The following DPP10 variants were observed in gnomAD, a reference collection of about 807,000 sequenced individuals.
DPP10 encodes dipeptidyl peptidase like 10.
Under a neutral mutation model 120.9 loss-of-function variants are expected in DPP10, and 33 were observed. The observed-to-expected ratio is 0.27, with a 90% CI of 0.21 to 0.37. The LOEUF (loss-of-function observed/expected upper bound fraction) is 0.37, where lower values mean the gene tolerates loss of function less well. DPP10 is among the 10% of genes least tolerant of loss of function. The pLI, the probability that DPP10 is intolerant of heterozygous loss-of-function variation, is 1.00. For missense variants in DPP10, 816 were observed against 942.8 expected, an observed-to-expected ratio of 0.87 and a Z score of 1.76; for synonymous variants, 337 against 326.1, an observed-to-expected ratio of 1.03 and a Z score of -0.36.
At chr2:115,626,172 A>G (rs1388893590) in intron 5 of DPP10, among the ~76,000 whole-genome samples, 1 of 151,976 alleles carries the variant, frequency 6.6e-6, no homozygotes, top group Non-Finnish European at 1.5e-5. Context: ...TGCTTTATAT[A>G]GTAAACTCTT....
At chr2:114,787,303 A>G (rs1315059311) in intron 1 of DPP10, among the ~76,000 whole-genome samples, 1 of 152,124 alleles carries the variant, frequency 6.6e-6, no homozygotes, top group Non-Finnish European at 1.5e-5. Context: ...TGTTTTAGAA[A>G]CGGAGAGAAA....
At chr2:114,920,028 C>G (rs534550687) in intron 1 of DPP10, among the ~76,000 whole-genome samples, 61 of 152,250 alleles carry the variant, frequency 4.0e-4, no homozygotes, top group Admixed American at 3.6e-3. Flanking sequence ...ATAAGTCACA[C>G]AGCATTAATT....
At chr2:115,602,618 A>G (rs2083403983) in intron 5 of DPP10, among the ~76,000 whole-genome samples, 1 of 152,150 alleles carries the variant, frequency 6.6e-6, no homozygotes, top group Admixed American at 6.5e-5. Flanking sequence ...AAGATTTCAT[A>G]AAAGAAAAAG....
At chr2:115,833,744 T>C (rs749656927) in intron 21 of DPP10, among the ~76,000 whole-genome samples, 25 of 152,200 alleles carry the variant, frequency 1.6e-4, no homozygotes, top group Non-Finnish European at 2.4e-4. Context: ...TATTAAAGCA[T>C]ATATGAATTT....
chr2:115,428,584 A>G (rs2104751211), intron 3 of DPP10, among the ~76,000 whole-genome samples: 1 of 152,148 alleles, frequency 6.6e-6, no homozygotes, highest in Admixed American at 6.6e-5. Context: ...ACTTTTAAAC[A>G]ACCAGATCTT....
intron 4 of DPP10, among the ~76,000 whole-genome samples, chr2:115,501,841 G>A (rs901942722): frequency 2.6e-5 from 4 of 151,830 alleles, no homozygotes; most frequent in Admixed American, 6.6e-5. Flanking sequence ...GGCTAAAACC[G>A]GGATTTAATT....
chr2:114,947,130 G>T (rs1434512452), intron 1 of DPP10, among the ~76,000 whole-genome samples: 2 of 130,032 alleles, frequency 1.5e-5, no homozygotes, highest in African/African-American at 5.3e-5. Context: ...ATATTCAAGT[G>T]AATTTTTTTT....
chr2:114,447,799 G>A (rs1048294931), intron 1 of DPP10, among the ~76,000 whole-genome samples: 2 of 152,182 alleles, frequency 1.3e-5, no homozygotes, highest in African/African-American at 4.8e-5. Flanking sequence ...ATTCTAAGCG[G>A]TGATAGCTAA....
intron 1 of DPP10, among the ~76,000 whole-genome samples, chr2:114,632,503 GTTTTTTTTTTTT>G (rs756591992): frequency 1.8e-3 from 162 of 88,632 alleles, no homozygotes; most frequent in African/African-American, 7.1e-3. Flanking sequence ...TGGACTTAGG[GTTTTTTTTTTTT>G]TTTTTTTTTT....
chr2:115,173,956 G>A (rs2053535213), intron 1 of DPP10, among the ~76,000 whole-genome samples: 1 of 152,208 alleles, frequency 6.6e-6, no homozygotes, highest in Non-Finnish European at 1.5e-5. Flanking sequence ...GGTAGAAGGA[G>A]CCTCACTCAA....
At chr2:115,413,301 G>A (rs901436548) in intron 3 of DPP10, among the ~76,000 whole-genome samples, 3 of 152,150 alleles carry the variant, frequency 2.0e-5, no homozygotes, top group African/African-American at 4.8e-5. Flanking sequence ...GTGTTGAAAC[G>A]TAAAGCATGT....
intron 1 of DPP10, among the ~76,000 whole-genome samples, chr2:115,242,886 C>A (rs2058354608): frequency 6.6e-6 from 1 of 152,006 alleles, no homozygotes; most frequent in Admixed American, 6.6e-5. Context: ...TATATAGTCT[C>A]ATATTTTAAC....
chr2:115,485,232 C>T (rs2075697564), intron 3 of DPP10, among the ~76,000 whole-genome samples: 1 of 95,896 alleles, frequency 1.0e-5, no homozygotes, highest in South Asian at 4.4e-4. Flanking sequence ...AACTTTAACA[C>T]TGTTCCAAAA....
chr2:115,265,874 G>A (rs1423260560), intron 1 of DPP10, among the ~76,000 whole-genome samples: 1 of 151,584 alleles, frequency 6.6e-6, no homozygotes, highest in Non-Finnish European at 1.5e-5. Flanking sequence ...AACCCGGGAG[G>A]TTGAGACTGC....
chr2:115,339,579 G>A (rs2063338435), intron 2 of DPP10, among the ~76,000 whole-genome samples: 1 of 152,080 alleles, frequency 6.6e-6, no homozygotes, highest in Non-Finnish European at 1.5e-5. Flanking sequence ...TTCAATGAGT[G>A]AAGAGTTAAA....
At chr2:114,469,470 C>T (rs941973335) in intron 1 of DPP10, among the ~76,000 whole-genome samples, 1 of 152,074 alleles carries the variant, frequency 6.6e-6, no homozygotes, top group Non-Finnish European at 1.5e-5. Context: ...GTGGCTCATG[C>T]CTGTAATCCC....
chr2:115,265,893 C>T (rs1180572452), intron 1 of DPP10, among the ~76,000 whole-genome samples: 1 of 146,700 alleles, frequency 6.8e-6, no homozygotes, highest in Non-Finnish European at 1.5e-5. Context: ...GCAGTGAGCT[C>T]AGATCATGCC....
intron 16 of DPP10, among the ~76,000 whole-genome samples, chr2:115,781,760 G>GA (rs748083654): frequency 8.3e-4 from 125 of 150,676 alleles, no homozygotes; most frequent in Middle Eastern, 3.4e-3. Flanking sequence ...ATGACACCAG[G>GA]AAAAAAAAAT....
intron 4 of DPP10, among the ~76,000 whole-genome samples, chr2:115,525,184 C>T (rs923244842): frequency 6.6e-6 from 1 of 152,112 alleles, no homozygotes; most frequent in Non-Finnish European, 1.5e-5. Context: ...TTTCACACAT[C>T]AACTCAATGT....
Sources: allele counts gnomAD v4.1 joint callset (sites outside exome capture counted in the v4.1 genomes callset), GRCh38; gene constraint gnomAD v4.1.1; transcripts MANE v1.5; gene names NCBI Gene and HGNC (gene_info 2026-07-23, HGNC 2026-07-21).